MRPS9: variants seen among roughly 807,000 people sequenced by gnomAD.
MRPS9 encodes small ribosomal subunit protein uS9m.
In MRPS9, 45 loss-of-function variants were observed where a neutral mutation model predicts 59.9. The ratio of observed to expected loss-of-function variants is 0.75; its 90% CI spans 0.59 to 0.96. The LOEUF is 0.96. Ranked by LOEUF, MRPS9 falls within the 40% of genes least tolerant of loss-of-function variation. The pLI, the probability that MRPS9 is intolerant of heterozygous loss-of-function variation, is 0.00. For missense variants in MRPS9, 473 were observed against 481.1 expected, an observed-to-expected ratio of 0.98 and a Z score of 0.16; for synonymous variants, 171 against 166.8, an observed-to-expected ratio of 1.03 and a Z score of -0.19.
chr2:105,044,282 G>A (rs891810354), intron 1 of MRPS9, among the ~76,000 whole-genome samples: 5 of 152,170 alleles, frequency 3.3e-5, no homozygotes, highest in East Asian at 1.9e-4. Flanking sequence ...AGAATTCTTG[G>A]TGTTTTTAGC....
At chr2:105,047,408 T>C (rs1351225133) in intron 1 of MRPS9, among the ~76,000 whole-genome samples, 2 of 152,032 alleles carry the variant, frequency 1.3e-5, no homozygotes, top group African/African-American at 4.8e-5. Flanking sequence ...TCCTGTATTT[T>C]TTCTTATATT....
intron 5 of MRPS9, among the ~76,000 whole-genome samples, chr2:105,082,256 A>G (rs1328610341): frequency 2.0e-5 from 3 of 152,070 alleles, no homozygotes; most frequent in African/African-American, 4.8e-5. Flanking sequence ...TTTTTTCCCT[A>G]TGTGGCAGGG....
intron 10 of MRPS9, among the ~76,000 whole-genome samples, chr2:105,098,917 C>G (rs555428099): frequency 2.2e-4 from 34 of 152,304 alleles, no homozygotes; most frequent in Admixed American, 7.8e-4. Flanking sequence ...TACTATAGCT[C>G]CAGCCACTGC....
chr2:105,098,150 T>TA (rs1650650335), intron 10 of MRPS9: 1 of 152,264 alleles, frequency 6.6e-6, no homozygotes, highest in Non-Finnish European at 1.5e-5. Flanking sequence ...TGGGCATGAA[T>TA]ACAAGAGTCC....
At chr2:105,066,469 A>G (rs1680003152) in intron 2 of MRPS9, among the ~76,000 whole-genome samples, 1 of 152,130 alleles carries the variant, frequency 6.6e-6, no homozygotes, top group Non-Finnish European at 1.5e-5. Context: ...CTTTCTTTTC[A>G]GTTTCCACCA....
intron 9 of MRPS9, 60 bp downstream of exon 9, chr2:105,093,698 A>G (rs1004659586): frequency 2.5e-5 from 19 of 768,518 alleles, no homozygotes; most frequent in Middle Eastern, 2.4e-4. Context: ...ATACATCATG[A>G]TCATTTAAGA....
intron 5 of MRPS9, among the ~76,000 whole-genome samples, chr2:105,088,138 C>T (rs1274406837): frequency 6.7e-6 from 1 of 149,812 alleles, no homozygotes; most frequent in Non-Finnish European, 1.5e-5. Flanking sequence ...AAATTTATGT[C>T]ATCTCTGGCT....
At chr2:105,076,893 G>A (rs1680221646) in intron 4 of MRPS9, among the ~76,000 whole-genome samples, 1 of 151,988 alleles carries the variant, frequency 6.6e-6, no homozygotes, top group Non-Finnish European at 1.5e-5. Context: ...AGGCAAATAA[G>A]CAATTCATAA....
intron 5 of MRPS9, among the ~76,000 whole-genome samples, chr2:105,082,391 G>A (rs558823544): frequency 5.3e-5 from 8 of 152,294 alleles, no homozygotes; most frequent in Non-Finnish European, 1.2e-4. Flanking sequence ...GCAGTTATGT[G>A]AGGAGACCCT....
intron 1 of MRPS9, chr2:105,038,609 G>A: frequency 5.4e-6 from 1 of 184,554 alleles, no homozygotes; most frequent in African/African-American, 2.4e-5. Context: ...TTGGATTCCT[G>A]CAGGTGCCTG....
intron 1 of MRPS9, among the ~76,000 whole-genome samples, chr2:105,046,476 G>A (rs1679598240): frequency 6.6e-6 from 1 of 151,846 alleles, no homozygotes; most frequent in African/African-American, 2.4e-5. Context: ...GTGATTAACA[G>A]ACCTGTATCT....
At chr2:105,082,642 G>T (rs1282991226) in intron 5 of MRPS9, among the ~76,000 whole-genome samples, 1 of 152,114 alleles carries the variant, frequency 6.6e-6, no homozygotes, top group Admixed American at 6.6e-5. Flanking sequence ...GAGGAAAAAT[G>T]GCCATGAAAT....
chr2:105,094,918 T>C (rs1377685317), intron 9 of MRPS9, among the ~76,000 whole-genome samples: 2 of 152,254 alleles, frequency 1.3e-5, no homozygotes, highest in Admixed American at 6.5e-5. Context: ...TTAGATCTTA[T>C]TCTTTGGTTT....
intron 2 of MRPS9, among the ~76,000 whole-genome samples, chr2:105,050,302 G>C (rs559459883): frequency 6.6e-6 from 1 of 152,234 alleles, no homozygotes; most frequent in East Asian, 1.9e-4. Context: ...ACCATACCCA[G>C]ATAATTTTTG....
intron 5 of MRPS9, 34 bp from the exon 6 acceptor site, chr2:105,088,950 T>C (rs775641540): frequency 1.3e-5 from 18 of 1,434,098 alleles, no homozygotes; most frequent in Non-Finnish European, 1.7e-5. Context: ...TTGCTCTTAT[T>C]TTTAGCATGT....
intron 1 of MRPS9, among the ~76,000 whole-genome samples, chr2:105,047,677 G>T (rs951477014): frequency 1.3e-5 from 2 of 152,092 alleles, no homozygotes; most frequent in African/African-American, 4.8e-5. Context: ...GAAAAGCCAG[G>T]ACCAGAAAGA....
intron 4 of MRPS9, among the ~76,000 whole-genome samples, chr2:105,079,662 A>AT (rs1184975807): frequency 3.9e-5 from 6 of 152,116 alleles, no homozygotes; most frequent in African/African-American, 1.4e-4. Context: ...CCAAACCTAA[A>AT]TTTTTTTATT....
chr2:105,080,610 A>G (rs7562875), intron 5 of MRPS9, among the ~76,000 whole-genome samples: 18,210 of 152,242 alleles, frequency 0.12, 1,394 homozygotes, highest in South Asian at 0.19. Context: ...TTTCAGAGCT[A>G]TAAGTGTCTG....
intron 1 of MRPS9, among the ~76,000 whole-genome samples, chr2:105,045,644 T>G (rs991051958): frequency 6.6e-6 from 1 of 152,128 alleles, no homozygotes; most frequent in African/African-American, 2.4e-5. Flanking sequence ...TAGAAAACTT[T>G]GTAATGCTGA....
Sources: allele counts gnomAD v4.1 joint callset (sites outside exome capture counted in the v4.1 genomes callset), GRCh38; gene constraint gnomAD v4.1.1; transcripts MANE v1.5; gene names NCBI Gene and HGNC (gene_info 2026-07-23, HGNC 2026-07-21).